Variants in GRB14 observed in about 807,000 individuals in gnomAD.
GRB14 encodes the protein growth factor receptor bound protein 14, also known as growth factor receptor-bound protein 14.
A neutral mutation model predicts 69.1 loss-of-function variants in GRB14; 38 were observed. The observed-to-expected ratio is 0.55, with a 90% CI of 0.42 to 0.72. The LOEUF is 0.72. Ranked by LOEUF, GRB14 falls within the 30% of genes least tolerant of loss-of-function variation. The pLI is 0.00. For missense variants in GRB14, 666 were observed against 666.1 expected, an observed-to-expected ratio of 1.00 and a Z score of 0.00; for synonymous variants, 247 against 241.3, an observed-to-expected ratio of 1.02 and a Z score of -0.22.
At chr2:164,523,394 G>C (rs1227810964) in intron 5 of GRB14, among the ~76,000 whole-genome samples, 2 of 151,274 alleles carry the variant, frequency 1.3e-5, no homozygotes, top group Admixed American at 1.3e-4. Flanking sequence ...ATAAGACAGT[G>C]GAAATGCATT....
Position 164,621,351 on chromosome 2 carries a change from G to A in GRB14, c.-42C>T, listed in dbSNP as rs1490880140. On this transcript the variant is annotated 5_prime_UTR_variant, in exon 1 of 14. Coordinates refer to ENST00000263915, the MANE Select transcript of GRB14 (RefSeq NM_004490.3). The surrounding 1 kb of genome is among the most constrained non-coding windows in gnomAD (Gnocchi z 6.0). ...GCTCGGGCGTCATGGGAGACTCGGC[G>A]CGTGGGGAGAAGGGGTTTGCGCGGC... is the stretch of plus-strand genomic sequence containing the variant. 6 of 1,261,864 alleles carry A rather than the reference G, an allele frequency of 4.8e-6. No individual in the cohort carries two copies. The highest frequency in any genetic ancestry group is 6.0e-6 in the Non-Finnish European group (6 of 1,001,696). 78.2% of individuals were successfully genotyped at this position (1,261,864 alleles called of 1,614,324 possible).
At chr2:164,600,984 A>T (rs1308780332) in intron 2 of GRB14, among the ~76,000 whole-genome samples, 2 of 152,134 alleles carry the variant, frequency 1.3e-5, no homozygotes, top group Non-Finnish European at 2.9e-5. Flanking sequence ...TCCAATGGAA[A>T]AAAAAAAGGT....
At chr2:164,561,218 G>A (rs1376430024) in intron 2 of GRB14, among the ~76,000 whole-genome samples, 2 of 152,062 alleles carry the variant, frequency 1.3e-5, no homozygotes, top group African/African-American at 2.4e-5. Context: ...AGGGGATCCT[G>A]GAATCTGCTG....
intron 3 of GRB14, among the ~76,000 whole-genome samples, chr2:164,545,314 G>C (rs1470502589): frequency 6.6e-6 from 1 of 152,036 alleles, no homozygotes; most frequent in Non-Finnish European, 1.5e-5. Flanking sequence ...TGAATGTCAC[G>C]TGGAAAAAAA....
At chr2:164,587,748 CTGACATTTAGGAT>C (rs1257220551) in intron 2 of GRB14, among the ~76,000 whole-genome samples, 2 of 152,142 alleles carry the variant, frequency 1.3e-5, no homozygotes. Flanking sequence ...TAATCGAAAA[CTGACATTTAGGAT>C]TATCTCCCCA....
chr2:164,551,196 A>G (rs1688528773), intron 2 of GRB14, among the ~76,000 whole-genome samples: 1 of 152,184 alleles, frequency 6.6e-6, no homozygotes, highest in African/African-American at 2.4e-5. Flanking sequence ...ATATTGACTA[A>G]TCAGTACCCA....
intron 2 of GRB14, among the ~76,000 whole-genome samples, chr2:164,568,128 C>T (rs1035536921): frequency 2.6e-5 from 4 of 152,222 alleles, no homozygotes; most frequent in South Asian, 4.1e-4. Context: ...GATGTCCTAG[C>T]GCAGTATTAT....
intron 2 of GRB14, among the ~76,000 whole-genome samples, chr2:164,567,272 GTAAA>G (rs1229987473): frequency 6.6e-6 from 1 of 152,080 alleles, no homozygotes; most frequent in African/African-American, 2.4e-5. Context: ...AATATTCTCA[GTAAA>G]TAAATGGTTG....
chr2:164,521,024 G>T (rs1029220858), intron 6 of GRB14, among the ~76,000 whole-genome samples: 1 of 152,092 alleles, frequency 6.6e-6, no homozygotes, highest in Non-Finnish European at 1.5e-5. Context: ...CTTCCCAGAG[G>T]AAGTCATTAT....
intron 2 of GRB14, among the ~76,000 whole-genome samples, chr2:164,608,642 T>C (rs1316545554): frequency 6.6e-6 from 1 of 151,640 alleles, no homozygotes; most frequent in East Asian, 1.9e-4. Context: ...CTGGGGAGTA[T>C]GATGAAGTGC....
At chr2:164,541,274 G>C (rs1688230933) in intron 3 of GRB14, among the ~76,000 whole-genome samples, 1 of 152,062 alleles carries the variant, frequency 6.6e-6, no homozygotes, top group Admixed American at 6.5e-5. Flanking sequence ...TTCGAGACCA[G>C]CCTGGCCAGC....
intron 13 of GRB14, 39 bp downstream of exon 13, chr2:164,494,392 C>G: frequency 9.3e-7 from 1 of 1,077,992 alleles, no homozygotes; most frequent in Non-Finnish European, 1.4e-6. Flanking sequence ...GCATTAAGGT[C>G]ATTTCTAATA....
At chr2:164,536,313 T>C (rs1388605259) in intron 3 of GRB14, among the ~76,000 whole-genome samples, 1 of 152,244 alleles carries the variant, frequency 6.6e-6, no homozygotes, top group Non-Finnish European at 1.5e-5. Context: ...TTGTAGAAAC[T>C]GTTACAGCAG....
At chr2:164,504,904 G>A (rs774132140) in intron 8 of GRB14, among the ~76,000 whole-genome samples, 19 of 152,162 alleles carry the variant, frequency 1.2e-4, no homozygotes, top group Non-Finnish European at 2.5e-4. Flanking sequence ...GCAGTACCAG[G>A]GAGATGGCAG....
chr2:164,540,536 G>T (rs563493892), intron 3 of GRB14, among the ~76,000 whole-genome samples: 1 of 152,218 alleles, frequency 6.6e-6, no homozygotes, highest in East Asian at 1.9e-4. Context: ...TTGAACCTGG[G>T]GGGTGGAGGT....
chr2:164,601,743 C>T (rs1689919351), intron 2 of GRB14, among the ~76,000 whole-genome samples: 1 of 152,034 alleles, frequency 6.6e-6, no homozygotes, highest in South Asian at 2.1e-4. Context: ...GATATATGCA[C>T]CCTTATAAGC....
chr2:164,548,512 T>G (rs191278811), intron 2 of GRB14, among the ~76,000 whole-genome samples: 1 of 152,198 alleles, frequency 6.6e-6, no homozygotes, highest in Admixed American at 6.5e-5. Flanking sequence ...AATGCTGCAA[T>G]GAACATGGGA....
intron 3 of GRB14, among the ~76,000 whole-genome samples, chr2:164,546,042 C>T (rs1283567720): frequency 2.0e-5 from 3 of 152,160 alleles, no homozygotes; most frequent in Non-Finnish European, 2.9e-5. Flanking sequence ...TTGTACCTGT[C>T]TGTGCTACAA....
chr2:164,516,355 G>A (rs77345716), intron 6 of GRB14, among the ~76,000 whole-genome samples: 1 of 152,202 alleles, frequency 6.6e-6, no homozygotes, highest in African/African-American at 2.4e-5. Flanking sequence ...TACCATGGTG[G>A]CGTGCGCCTG....
Sources: allele counts gnomAD v4.1 joint callset (sites outside exome capture counted in the v4.1 genomes callset), GRCh38; gene constraint gnomAD v4.1.1; non-coding constraint Gnocchi (gnomAD v3.1); transcripts MANE v1.5; gene names NCBI Gene and HGNC (gene_info 2026-07-23, HGNC 2026-07-21).